ASTN1: variants seen among roughly 807,000 people sequenced by gnomAD.
ASTN1 encodes astrotactin 1.
In ASTN1, 41 loss-of-function variants were observed where a neutral mutation model predicts 140.7. That is an observed-to-expected ratio of 0.29 (90% confidence interval 0.23 to 0.38). ASTN1 has a LOEUF of 0.38. ASTN1 is among the 10% of genes least tolerant of loss of function. The pLI, the probability that ASTN1 is intolerant of heterozygous loss-of-function variation, is 1.00. For missense variants in ASTN1, 1,479 were observed against 1,678.8 expected (o/e 0.88, Z 2.08); for synonymous variants, 640 against 652.2 (o/e 0.98, Z 0.29).
intron 8 of ASTN1, among the ~76,000 whole-genome samples, chr1:176,988,464 C>T (rs21257): frequency 0.57 from 86,144 of 151,960 alleles, 24,848 homozygotes; most frequent in African/African-American, 0.62. Context: ...GAACTCTTAT[C>T]CCTAGTTATA....
At chr1:176,866,773 G>A (rs545809197) in intron 22 of ASTN1, among the ~76,000 whole-genome samples, 30 of 152,232 alleles carry the variant, frequency 2.0e-4, no homozygotes, top group African/African-American at 4.1e-4. Flanking sequence ...CAATCTGGAG[G>A]CGTCATCAAG....
intron 1 of ASTN1, among the ~76,000 whole-genome samples, chr1:177,068,573 T>C (rs755078665): frequency 1.3e-5 from 2 of 152,164 alleles, no homozygotes; most frequent in Non-Finnish European, 2.9e-5. Flanking sequence ...ATGGGAGTGT[T>C]GTAAGCTCCC....
At position 177,111,594 on chromosome 1, in the gene ASTN1, C is replaced by T. The variant is rs951942906; in HGVS notation, c.284-50329G>A. On this transcript the variant is annotated intron_variant, in intron 1 of 22. Coordinates refer to ENST00000361833, the MANE Select transcript of ASTN1 (RefSeq NM_004319.3). Reference sequence around the variant, plus strand: ...TTCTGCCAGGTGGCTTCCATGGAAGCTTAGTGCTTTCTGTTTGATTATTGC... The same window carrying T: ...TTCTGCCAGGTGGCTTCCATGGAAGTTTAGTGCTTTCTGTTTGATTATTGC... Among the ~76,000 whole-genome samples the T allele has an allele frequency of 2.6e-5, 4 of 152,268 alleles. No homozygotes were observed. The East Asian group carries it at 7.7e-4, about 29-fold the overall frequency.
chr1:176,868,816 A>G (rs746838953), intron 22 of ASTN1, 28 bp downstream of exon 22: 16 of 1,567,184 alleles, frequency 1.0e-5, no homozygotes, highest in Non-Finnish European at 1.4e-5. Flanking sequence ...AGAAGTCTTT[A>G]AAAGGGTTGA....
chr1:177,075,877 A>T (rs1678877653), intron 1 of ASTN1, among the ~76,000 whole-genome samples: 1 of 151,726 alleles, frequency 6.6e-6, no homozygotes, highest in Admixed American at 6.6e-5. Context: ...CCTGGCCTCA[A>T]GTGATCCTCC....
In ASTN1 at chr1:176,925,854, G is replaced by A. The variant is rs534557502; in HGVS notation, c.2671+8298C>T. 3.9e-4 allele frequency among the ~76,000 whole-genome samples: 59 copies of A among 149,500 alleles called. No individual in the cohort carries two copies. In the East Asian group the frequency reaches 8.0e-3, roughly 20 times the overall value. ...GGAGTCTCGCTCTGTCACCCAGGCT[G>A]GACTGCAGTGGCACAATCTCGGCTC... On this transcript the variant is annotated intron_variant, in intron 16 of 22. Transcript: ENST00000361833.
chr1:176,988,685 A>T (rs192124397), intron 8 of ASTN1, among the ~76,000 whole-genome samples: 1 of 152,282 alleles, frequency 6.6e-6, no homozygotes. Flanking sequence ...CTTCAAAGGG[A>T]TTTTGGTTTA....
chr1:176,944,079 ATT>A (rs35968661), intron 13 of ASTN1, 61 bp from the exon 14 acceptor site: 39,817 of 1,377,204 alleles, frequency 0.029, 1 homozygote, highest in South Asian at 0.049. Flanking sequence ...CTTACTGAGC[ATT>A]TTTTTTTTTT....
chr1:177,152,447 A>G (rs1392231202), intron 1 of ASTN1, among the ~76,000 whole-genome samples: 1 of 152,128 alleles, frequency 6.6e-6, no homozygotes. Context: ...ATAAATAAAA[A>G]AGGAAACATT....
intron 1 of ASTN1, among the ~76,000 whole-genome samples, chr1:177,126,897 C>G (rs572072949): frequency 6.6e-6 from 1 of 152,154 alleles, no homozygotes; most frequent in Admixed American, 6.5e-5. Flanking sequence ...TGATCCAGTG[C>G]TTTCTGGGCT....
intron 22 of ASTN1, 96 bp from the exon 23 acceptor site, chr1:176,864,617 G>A (rs553179262): frequency 1.3e-6 from 2 of 1,510,688 alleles, no homozygotes; most frequent in African/African-American, 1.4e-5. Flanking sequence ...CTTCAAGAGG[G>A]AAGAGTGTGG....
Position 177,029,698 on chromosome 1 carries a change from C to T in ASTN1, c.1056G>A (p.Glu352=). Residue 352 remains glutamate, a synonymous_variant, in exon 5 of 23, where the codon GAG becomes GAA. Transcript: ENST00000361833. ...FLNPEGDSGT[E]AENDPQLTFY... is the part of the protein sequence containing the mutation. ...AGGTCAGCTGGGGGTCGTTTTCTGCCTCTGTGCCAGAATCCCCTTCAGGGT... is the reference window on the plus strand; with the variant it reads ...AGGTCAGCTGGGGGTCGTTTTCTGCTTCTGTGCCAGAATCCCCTTCAGGGT... 6.2e-7 allele frequency: 1 copy of T among 1,613,604 alleles called. No individual in the cohort carries two copies. The highest frequency in any genetic ancestry group is 1.1e-5 in the South Asian group (1 of 90,846).
intron 1 of ASTN1, among the ~76,000 whole-genome samples, chr1:177,085,642 G>T (rs1679428069): frequency 6.6e-6 from 1 of 152,136 alleles, no homozygotes; most frequent in Non-Finnish European, 1.5e-5. Flanking sequence ...TGCAGCCCAG[G>T]TGGTAACATG....
At chr1:176,894,335 G>T (rs1418540267) in intron 17 of ASTN1, among the ~76,000 whole-genome samples, 1 of 152,230 alleles carries the variant, frequency 6.6e-6, no homozygotes, top group Non-Finnish European at 1.5e-5. Context: ...GTGCTCAGTT[G>T]TGACTCCTGA....
intron 1 of ASTN1, among the ~76,000 whole-genome samples, chr1:177,119,053 G>A (rs1681245764): frequency 6.6e-6 from 1 of 152,074 alleles, no homozygotes; most frequent in Admixed American, 6.5e-5. Flanking sequence ...TCTTCACTGG[G>A]AAGCCTTCCC....
rs147229688 is a variant in ASTN1, at chr1:176,944,944, C to T, written c.2250-926G>A. ...CAGAAAAAGCAGCTGATTCCAAAAA[C>T]TGTCTTGAAAATTGACTATCAGTTT... On this transcript the variant is annotated intron_variant, in intron 13 of 22. Transcript: ENST00000361833. Among the ~76,000 whole-genome samples, 445 of 152,338 alleles carry T rather than the reference C, an allele frequency of 2.9e-3. 2 individuals are homozygous for T. Among genetic ancestry groups the T allele is most frequent in the African/African-American group, 0.01 (427 of 41,582 alleles).
chr1:177,043,844 G>A lies in ASTN1; in HGVS notation c.472-10995C>T, dbSNP rs191669601. On this transcript the variant is annotated intron_variant, in intron 2 of 22. Coordinates refer to ENST00000361833, the MANE Select transcript of ASTN1 (RefSeq NM_004319.3). ...AGCAAGCTTTGTCTGGCATCATACA[G>A]GGGAAGGAGGAGAAACCCTGGCAGT... 2.0e-5 allele frequency among the ~76,000 whole-genome samples: 3 copies of A among 152,300 alleles called. No homozygotes were observed. The East Asian group carries it at 5.8e-4, about 29-fold the overall frequency.
intron 5 of ASTN1, among the ~76,000 whole-genome samples, chr1:177,027,624 T>C (rs1676186410): frequency 6.6e-6 from 1 of 151,326 alleles, no homozygotes; most frequent in African/African-American, 2.4e-5. Flanking sequence ...CCATGTTCTT[T>C]TGTCCCTTCA....
At chr1:176,965,294 C>T (rs1672830739) in intron 8 of ASTN1, 57 bp from the exon 9 acceptor site, 1 of 1,570,600 alleles carries the variant, frequency 6.4e-7, no homozygotes. Context: ...CACTGAACAC[C>T]CACTTCGTAT....
Sources: allele counts gnomAD v4.1 joint callset (sites outside exome capture counted in the v4.1 genomes callset), GRCh38; gene constraint gnomAD v4.1.1; transcripts MANE v1.5; gene names NCBI Gene and HGNC (gene_info 2026-07-23, HGNC 2026-07-21).